Variants in NRROS observed in about 807,000 individuals in gnomAD.
The protein encoded by NRROS is transforming growth factor beta activator LRRC33.
Under a neutral mutation model 12.0 loss-of-function variants are expected in NRROS, and 6 were observed. That is an observed-to-expected ratio of 0.50 (90% CI 0.27 to 0.98). NRROS has a LOEUF of 0.98. Among genes scored for constraint, NRROS ranks in the 50% least tolerant of loss-of-function variants. The pLI is 0.11. For missense variants in NRROS, 857 were observed against 888.2 expected (o/e 0.96, Z 0.45); for synonymous variants, 462 against 410.2 (o/e 1.13, Z -1.53).
intron 1 of NRROS, among the ~76,000 whole-genome samples, chr3:196,645,384 G>C (rs1387449867): frequency 1.3e-5 from 2 of 152,174 alleles, no homozygotes; most frequent in Admixed American, 1.3e-4. Flanking sequence ...ACAGACCTGG[G>C]TTTGAATTGT....
chr3:196,643,270 A>G (rs1188998759), intron 1 of NRROS, among the ~76,000 whole-genome samples: 1 of 152,126 alleles, frequency 6.6e-6, no homozygotes, highest in Non-Finnish European at 1.5e-5. Context: ...TCAGGTGCTG[A>G]CCCCAAGCCA....
chr3:196,645,950 T>C (rs763733615), intron 1 of NRROS, among the ~76,000 whole-genome samples: 3 of 152,234 alleles, frequency 2.0e-5, no homozygotes, highest in Non-Finnish European at 4.4e-5. Context: ...TTCCCTTTGA[T>C]TAATACACCT....
At chr3:196,649,935 G>T (rs1365662308) in intron 1 of NRROS, among the ~76,000 whole-genome samples, 6 of 152,092 alleles carry the variant, frequency 3.9e-5, no homozygotes, top group Non-Finnish European at 5.9e-5. Context: ...AGCGGAGAGG[G>T]TCCGGTCCCA....
Position 196,661,173 on chromosome 3 carries a change from C to T in NRROS, c.1530C>T (p.Ala510=). 1 of 1,612,800 alleles carries T rather than the reference C, an allele frequency of 6.2e-7. No homozygotes were observed. The highest frequency in any genetic ancestry group is 8.5e-7 in the Non-Finnish European group (1 of 1,179,254). ...NGSLAPLQDV[A]PMLQVLSLRN... ...GCCTCGCCCCACTCCAGGATGTTGC[C>T]CCCATGTTACAGGTCCTGTCTCTCA... is the stretch of plus-strand genomic sequence containing the variant. Residue 510 remains alanine (A), a synonymous_variant, in exon 3 of 3, where the codon GCC becomes GCT. Transcript: ENST00000328557.
chr3:196,654,942 T>G lies in NRROS; in HGVS notation c.108+295T>G. On this transcript the variant is annotated intron_variant, in intron 2 of 2. Coordinates refer to ENST00000328557, the MANE Select transcript of NRROS (RefSeq NM_198565.3). This position sits in a 1 kb window ranked among gnomAD's most constrained non-coding sequence, Gnocchi z 4.4. ...CGGAACAAGAACAACTTGTTAAAAA[T>G]CTGGATGATTCAGGCCGGGTGCAGT... 1 of 312,006 alleles carries G rather than the reference T, an allele frequency of 3.2e-6. No individual in the cohort carries two copies. The highest frequency in any genetic ancestry group is 5.9e-6 in the Non-Finnish European group (1 of 168,924). 19.3% of individuals were successfully genotyped at this position (312,006 alleles called of 1,614,324 possible).
Position 196,650,675 on chromosome 3 carries a change from C to T in NRROS, c.-13-3852C>T, listed in dbSNP as rs565657451. Among the ~76,000 whole-genome samples the T allele has an allele frequency of 2.0e-5, 3 of 152,332 alleles. No homozygotes were observed. In the East Asian group the frequency reaches 5.8e-4, roughly 29 times the overall value. ...AGCATTCTCTTGTTGCAGAATACAA[C>T]CTCCATTCATGTTGTTTTTATGAAT... On this transcript the variant is annotated intron_variant, in intron 1 of 2. Transcript: ENST00000328557.
In NRROS at chr3:196,660,538, A is replaced by G; in HGVS notation, c.895A>G (p.Met299Val). Residue 299 changes from methionine to valine, a missense_variant, in exon 3 of 3, where the codon ATG becomes GTG. By Grantham distance (21) the Met-to-Val change is conservative. Transcript: ENST00000328557. This position sits in a 1 kb window ranked among gnomAD's most constrained non-coding sequence, Gnocchi z 7.7. ...DLYNTSSPRE[M>V]VAQFLLVDGN... ...GTACAACACCTCGTCGCCGAGGGAGATGGTGGCCCAGTTCCTCCTCGTGGA... is the reference window on the plus strand; with the variant it reads ...GTACAACACCTCGTCGCCGAGGGAGGTGGTGGCCCAGTTCCTCCTCGTGGA... 4 of 1,614,078 alleles carry G rather than the reference A, an allele frequency of 2.5e-6. No individual in the cohort carries two copies. The highest frequency in any genetic ancestry group is 3.4e-6 in the Non-Finnish European group (4 of 1,180,008).
chr3:196,652,247 G>A (rs1737442976), intron 1 of NRROS, among the ~76,000 whole-genome samples: 1 of 152,170 alleles, frequency 6.6e-6, no homozygotes, highest in Admixed American at 6.5e-5. Context: ...TAGACTTTGT[G>A]TAGCTGTTGA....
chr3:196,643,765 C>T (rs892123937), intron 1 of NRROS, among the ~76,000 whole-genome samples: 1 of 152,208 alleles, frequency 6.6e-6, no homozygotes, highest in Non-Finnish European at 1.5e-5. Flanking sequence ...GTCATTCACT[C>T]CTCTCCTGCT....
At chr3:196,649,532 C>G (rs184190680) in intron 1 of NRROS, among the ~76,000 whole-genome samples, 1 of 151,870 alleles carries the variant, frequency 6.6e-6, no homozygotes, top group Non-Finnish European at 1.5e-5. Flanking sequence ...AGTGCAGTGG[C>G]GTGATCTCGG....
In NRROS at chr3:196,659,104, G is replaced by A. The variant is rs115011829; in HGVS notation, c.109-648G>A. ...CCTGCACGTGTGCTTTCTGCAGTGC[G>A]ACCAGGGTGGCCTCGTCCCTCCCGC... On this transcript the variant is annotated intron_variant, in intron 2 of 2. Coordinates refer to ENST00000328557, the MANE Select transcript of NRROS (RefSeq NM_198565.3). Among the ~76,000 whole-genome samples the A allele has an allele frequency of 6.2e-3, 946 of 152,250 alleles. 13 individuals carry two copies. The highest frequency in any genetic ancestry group is 0.021 in the African/African-American group (880 of 41,540).
intron 2 of NRROS, among the ~76,000 whole-genome samples, chr3:196,658,096 A>G (rs537635816): frequency 6.6e-6 from 1 of 152,356 alleles, no homozygotes; most frequent in South Asian, 2.1e-4. Context: ...TTGGCCCTGG[A>G]ACTCTTGCTC....
chr3:196,646,135 AGGCCATC>A (rs374998626), intron 1 of NRROS, among the ~76,000 whole-genome samples: 3,143 of 148,722 alleles, frequency 0.021, 103 homozygotes, highest in African/African-American at 0.077. Context: ...CAACCCTGTG[AGGCCATC>A]AAGGCAAGTG....
intron 1 of NRROS, among the ~76,000 whole-genome samples, chr3:196,643,713 C>CACTCCTA (rs1338892949): frequency 6.6e-6 from 1 of 152,246 alleles, no homozygotes; most frequent in Non-Finnish European, 1.5e-5. Context: ...CACTCCATTT[C>CACTCCTA]AGATGTCAAC....
Position 196,654,852 on chromosome 3 carries a change from C to A in NRROS, c.108+205C>A. 1.8e-6 allele frequency: 1 copy of A among 551,688 alleles called. No individual in the cohort carries two copies. The highest frequency in any genetic ancestry group is 3.2e-6 in the Non-Finnish European group (1 of 311,524). The allele number at this position is 551,688 out of a possible 1,614,324, so 34.2% of individuals were successfully genotyped here. A position where few individuals can be genotyped will look rare whatever the true frequency, so the allele number is the denominator to read the frequency against. ...CTTCCTGGGAAGAGCCAGGCAGTCC[C>A]TGCCCCGCCGTTCTCACGCCTGCTG... On this transcript the variant is annotated intron_variant, in intron 2 of 2. Transcript: ENST00000328557. This position sits in a 1 kb window ranked among gnomAD's most constrained non-coding sequence, Gnocchi z 4.4.
intron 2 of NRROS, 30 bp from the exon 3 acceptor site, chr3:196,659,722 C>G (rs908150606): frequency 1.9e-6 from 3 of 1,580,068 alleles, no homozygotes; most frequent in Middle Eastern, 1.7e-4. Context: ...TGGGCCTCCT[C>G]GCTGCTGACC....
chr3:196,647,894 G>T (rs1282739430), intron 1 of NRROS, among the ~76,000 whole-genome samples: 1 of 152,122 alleles, frequency 6.6e-6, no homozygotes, highest in Non-Finnish European at 1.5e-5. Flanking sequence ...TAGAGACGGG[G>T]TTTCTCTATG....
intron 2 of NRROS, among the ~76,000 whole-genome samples, chr3:196,657,361 A>G (rs949789420): frequency 6.6e-5 from 10 of 152,104 alleles, no homozygotes; most frequent in African/African-American, 1.2e-4. Flanking sequence ...GCGTGAAGAA[A>G]GCCCCTGACC....
intron 1 of NRROS, among the ~76,000 whole-genome samples, chr3:196,653,809 G>A (rs562255799): frequency 2.8e-4 from 43 of 152,292 alleles, no homozygotes; most frequent in African/African-American, 9.4e-4. Context: ...CTGCTGGTGC[G>A]TGTATACCTT....
Sources: allele counts gnomAD v4.1 joint callset (sites outside exome capture counted in the v4.1 genomes callset), GRCh38; gene constraint gnomAD v4.1.1; non-coding constraint Gnocchi (gnomAD v3.1); transcripts MANE v1.5; gene names NCBI Gene and HGNC (gene_info 2026-07-23, HGNC 2026-07-21).